Variants in CALN1 observed in about 807,000 individuals in gnomAD.
The protein encoded by CALN1 is calneuron 1, also known as calcium-binding protein 8.
A neutral mutation model predicts 30.6 loss-of-function variants in CALN1; 17 were observed. The ratio of observed to expected loss-of-function variants is 0.56; its 90% CI spans 0.38 to 0.83. The LOEUF (loss-of-function observed/expected upper bound fraction) is 0.83. Among genes scored for constraint, CALN1 ranks in the 40% least tolerant of loss-of-function variants. CALN1 has a pLI of 0.00. For missense variants in CALN1, 291 were observed against 354.9 expected (o/e 0.82, Z 1.45); for synonymous variants, 156 against 131.4 (o/e 1.19, Z -1.28).
intron 3 of CALN1, among the ~76,000 whole-genome samples, chr7:72,196,762 C>G (rs116918846): frequency 0.026 from 3,955 of 152,240 alleles, 84 homozygotes; most frequent in Non-Finnish European, 0.039. Context: ...ATATCAAACA[C>G]CTTACCTATG....
intron 4 of CALN1, among the ~76,000 whole-genome samples, chr7:72,101,003 AC>A (rs1242029097): frequency 5.3e-5 from 8 of 151,204 alleles, no homozygotes; most frequent in Non-Finnish European, 1.0e-4. Flanking sequence ...TTGCTTTGTC[AC>A]CCAGGCTGGA....
intron 3 of CALN1, among the ~76,000 whole-genome samples, chr7:72,144,592 G>A (rs1464690140): frequency 1.3e-5 from 2 of 152,144 alleles, no homozygotes; most frequent in African/African-American, 2.4e-5. Flanking sequence ...AGGATATCCA[G>A]GAATTGAACT....
chr7:72,377,428 C>A (rs868642011), intron 2 of CALN1, among the ~76,000 whole-genome samples: 1 of 131,394 alleles, frequency 7.6e-6, no homozygotes, highest in Non-Finnish European at 1.6e-5. Context: ...TAATATGGGC[C>A]ACACTTTCGT....
At chr7:72,181,983 C>T (rs1789843718) in intron 3 of CALN1, among the ~76,000 whole-genome samples, 2 of 152,160 alleles carry the variant, frequency 1.3e-5, no homozygotes, top group Admixed American at 1.3e-4. Flanking sequence ...CAGACTCGAG[C>T]AGCTGTTTAT....
intron 3 of CALN1, among the ~76,000 whole-genome samples, chr7:72,225,617 G>A (rs568978038): frequency 4.3e-4 from 66 of 152,148 alleles, no homozygotes; most frequent in African/African-American, 1.5e-3. Flanking sequence ...CGAAGCCCTC[G>A]GCGCTACCTT....
chr7:71,921,514 TGAGAA>T (rs1039600086), intron 5 of CALN1, among the ~76,000 whole-genome samples: 3 of 152,004 alleles, frequency 2.0e-5, no homozygotes, highest in African/African-American at 7.2e-5. Context: ...ATTATATAAA[TGAGAA>T]GAGAAAGAAG....
At chr7:72,021,970 T>A (rs1235150073) in intron 5 of CALN1, among the ~76,000 whole-genome samples, 1 of 152,186 alleles carries the variant, frequency 6.6e-6, no homozygotes, top group Non-Finnish European at 1.5e-5. Context: ...ACCTCTTCTG[T>A]TTCTTCAGGC....
At chr7:72,336,792 C>A (rs970479975) in intron 2 of CALN1, 81 of 984,988 alleles carry the variant, frequency 8.2e-5, no homozygotes, top group Non-Finnish European at 9.5e-5. Context: ...AGGGAGGGGG[C>A]GGTGCGGAAT....
chr7:72,162,552 G>A (rs1217526735), intron 3 of CALN1, among the ~76,000 whole-genome samples: 2 of 151,838 alleles, frequency 1.3e-5, no homozygotes, highest in African/African-American at 2.4e-5. Context: ...TGGGCAACAT[G>A]GTGAAACCCA....
rs997574989 is a variant in CALN1, at chr7:71,935,713, C to T, written c.501+87944G>A. On this transcript the variant is annotated intron_variant, in intron 5 of 6. Transcript: ENST00000395275. ...CTCCGCCTGGGCAACAAGAGCGAAA[C>T]TCCGTCTCAAAAAACAGAAACAAAA... is the stretch of plus-strand genomic sequence containing the variant. Among the ~76,000 whole-genome samples, 3 of 151,866 alleles carry T rather than the reference C, an allele frequency of 2.0e-5. No homozygotes were observed. In the East Asian group the frequency reaches 5.8e-4, roughly 29 times the overall value.
At chr7:71,958,434 G>A (rs1325108731) in intron 5 of CALN1, among the ~76,000 whole-genome samples, 4 of 152,134 alleles carry the variant, frequency 2.6e-5, no homozygotes, top group Admixed American at 1.3e-4. Flanking sequence ...ACAACTCAGG[G>A]AGGCCCCTTT....
intron 4 of CALN1, among the ~76,000 whole-genome samples, chr7:72,041,550 A>G (rs1358480205): frequency 6.6e-6 from 1 of 151,824 alleles, no homozygotes; most frequent in Non-Finnish European, 1.5e-5. Context: ...TACTCAGCTA[A>G]TTTTTGTATT....
At chr7:71,864,805 C>A (rs1349571509) in intron 5 of CALN1, among the ~76,000 whole-genome samples, 3 of 152,068 alleles carry the variant, frequency 2.0e-5, no homozygotes, top group Non-Finnish European at 4.4e-5. Flanking sequence ...AGTTTGAGAC[C>A]AGCCTGGCCA....
chr7:72,400,245 C>T (rs1332621553), intron 2 of CALN1, among the ~76,000 whole-genome samples: 1 of 152,132 alleles, frequency 6.6e-6, no homozygotes, highest in Non-Finnish European at 1.5e-5. Flanking sequence ...GCATCTGACC[C>T]TCTTCTCTTG....
chr7:71,838,798 C>G (rs1338755226), intron 5 of CALN1, among the ~76,000 whole-genome samples: 1 of 152,094 alleles, frequency 6.6e-6, no homozygotes, highest in East Asian at 1.9e-4. Context: ...CTTCTCTTTG[C>G]TGTAGCCATG....
intron 3 of CALN1, among the ~76,000 whole-genome samples, chr7:72,225,964 C>T (rs1229454172): frequency 1.3e-5 from 2 of 151,832 alleles, no homozygotes; most frequent in Non-Finnish European, 2.9e-5. Context: ...GGTGTGGTGG[C>T]ACACACCTGT....
intron 4 of CALN1, among the ~76,000 whole-genome samples, chr7:72,034,246 G>A (rs1489673388): frequency 6.6e-6 from 1 of 151,656 alleles, no homozygotes; most frequent in African/African-American, 2.4e-5. Flanking sequence ...CCCAGCTACT[G>A]GGGAGGCTGA....
chr7:72,118,255 A>AT (rs1245741004), intron 3 of CALN1, among the ~76,000 whole-genome samples: 1 of 152,220 alleles, frequency 6.6e-6, no homozygotes, highest in Non-Finnish European at 1.5e-5. Context: ...AACAAACACT[A>AT]TCTCAGGTTA....
intron 2 of CALN1, among the ~76,000 whole-genome samples, chr7:72,282,375 GA>G (rs1425229677): frequency 6.6e-6 from 1 of 152,226 alleles, no homozygotes; most frequent in Admixed American, 6.5e-5. Context: ...GTAAACCAGT[GA>G]TATGGTCTGA....
Sources: gnomAD v4.1 joint callset for allele counts (sites outside exome capture counted in the v4.1 genomes callset) on GRCh38, gnomAD v4.1.1 for gene constraint, MANE v1.5 for transcripts, NCBI Gene and HGNC (gene_info 2026-07-23, HGNC 2026-07-21) for gene names.